Variants in NCOR1 observed in about 807,000 individuals in gnomAD.
NCOR1 encodes the protein nuclear receptor corepressor 1, also known as protein phosphatase 1, regulatory subunit 109.
NCOR1 carries 63 observed loss-of-function variants against 288.1 expected under a neutral mutation model. That is an observed-to-expected ratio of 0.22 (90% CI 0.18 to 0.27). NCOR1 has a LOEUF of 0.27. Ranked by LOEUF, NCOR1 falls within the 10% of genes least tolerant of loss-of-function variation. The probability of loss-of-function intolerance (pLI) is 1.00; values close to 1 mark genes in which losing one functional copy is unlikely to be tolerated. For synonymous variants in NCOR1, 1,007 were observed against 1,065.9 expected, an observed-to-expected ratio of 0.94 and a Z score of 1.08; for missense variants, 2,397 against 3,019.2, an observed-to-expected ratio of 0.79 and a Z score of 4.83.
chr17:16,144,082 T>C (rs2077515466), intron 10 of NCOR1, among the ~76,000 whole-genome samples: 2 of 152,218 alleles, frequency 1.3e-5, no homozygotes. Context: ...TACAAAAATT[T>C]AATTGTGAGT....
At chr17:16,147,246 TA>T (rs1282530238) in intron 9 of NCOR1, among the ~76,000 whole-genome samples, 1 of 151,994 alleles carries the variant, frequency 6.6e-6, no homozygotes, top group Admixed American at 6.6e-5. Context: ...CCGTCTCTAT[TA>T]AAAATACAAA....
chr17:16,063,176 T>A (rs933753411), intron 35 of NCOR1, among the ~76,000 whole-genome samples: 1 of 152,122 alleles, frequency 6.6e-6, no homozygotes. Context: ...TTTATTTTTT[T>A]AATTAAATTA....
chr17:16,058,735 G>C, intron 37 of NCOR1, 136 bp from the exon 38 acceptor site: 1 of 881,762 alleles, frequency 1.1e-6, no homozygotes, highest in Non-Finnish European at 1.7e-6. Flanking sequence ...AGGGTTTTCT[G>C]AAGTTTTATG....
chr17:16,147,876 T>C (rs1358374957), intron 9 of NCOR1, among the ~76,000 whole-genome samples: 1 of 152,206 alleles, frequency 6.6e-6, no homozygotes. Flanking sequence ...TGGAGTGCAG[T>C]GGCGCGATCT....
intron 45 of NCOR1, among the ~76,000 whole-genome samples, chr17:16,034,419 T>C (rs1973574921): frequency 6.6e-6 from 1 of 151,794 alleles, no homozygotes; most frequent in South Asian, 2.1e-4. Flanking sequence ...TGAGACCTTG[T>C]CCCTACAAAA....
chr17:16,032,427 G>C lies in NCOR1; in HGVS notation c.7192C>G (p.Pro2398Ala). ...GAGGGAGCACATGCAATCGGTGTTG[G>C]TGGAGTACTGCTGAGCATCCGCATA... is the stretch of plus-strand genomic sequence containing the variant. The part of the protein sequence containing the change: ...LTMRMLSSTP[P>A]TPIACAPSAV... The change falls in exon 46 of 46, where the codon CCA (proline) becomes GCA (alanine). Residue 2398 changes from proline to alanine, a missense_variant. Around this residue, in one of 11 missense-constraint regions of NCOR1, gnomAD observed 1,872 missense variants for 2,187.8 expected, o/e 0.86. Coordinates refer to ENST00000268712, the MANE Select transcript of NCOR1 (RefSeq NM_006311.4). 6.2e-7 allele frequency: 1 copy of C among 1,613,972 alleles called. No homozygotes were observed. The highest frequency in any genetic ancestry group is 8.5e-7 in the Non-Finnish European group (1 of 1,179,950).
intron 44 of NCOR1, 74 bp from the exon 45 acceptor site, chr17:16,035,018 ATTGCT>A: frequency 2.8e-6 from 4 of 1,408,814 alleles, no homozygotes; most frequent in Admixed American, 2.0e-5. Context: ...ATGATTATAT[ATTGCT>A]AAATGAAAAA....
chr17:16,039,314 A>G, intron 44 of NCOR1, 119 bp downstream of exon 44: 1 of 935,354 alleles, frequency 1.1e-6, no homozygotes, highest in Non-Finnish European at 1.6e-6. Flanking sequence ...AAACCCTAAG[A>G]GGTGACTCTG....
Position 16,068,015 on chromosome 17 carries a change from A to T in NCOR1, c.4620T>A (p.Pro1540=). 1 of 1,614,238 alleles carries T rather than the reference A, an allele frequency of 6.2e-7. No homozygotes were observed. Among genetic ancestry groups the T allele is most frequent in the African/African-American group, 1.3e-5 (1 of 75,058 alleles). The change falls in exon 32 of 46, where the codon CCT becomes CCA. Residue 1540 remains proline, a synonymous_variant. Coordinates refer to ENST00000268712, the MANE Select transcript of NCOR1 (RefSeq NM_006311.4). ...GATCAAACGGACTGTGGCTCACGAC[A>T]GGGTCCACCCCAGGCACTGGAGACT... The part of the protein sequence containing the change: ...PAKSPVPGVD[P]VVSHSPFDPH...
intron 23 of NCOR1, among the ~76,000 whole-genome samples, chr17:16,085,619 A>G (rs1486784051): frequency 6.6e-6 from 1 of 152,256 alleles, no homozygotes; most frequent in African/African-American, 2.4e-5. Context: ...AGAGTACACC[A>G]TGTTTGATTC....
rs1428100612 is a variant in NCOR1, at chr17:16,088,645, G to T, written c.3017-2203C>A. Reference sequence around the variant, plus strand: ...AGAAACAATTACAAAAATATCAACTGATATTCAAGTGCTAGGCAGTGTGCA... The same window carrying T: ...AGAAACAATTACAAAAATATCAACTTATATTCAAGTGCTAGGCAGTGTGCA... On this transcript the variant is annotated intron_variant, in intron 22 of 45. Transcript: ENST00000268712. Among the ~76,000 whole-genome samples, 8 of 152,198 alleles carry T rather than the reference G, an allele frequency of 5.3e-5. No homozygotes were observed. The South Asian group carries it at 1.4e-3, about 28-fold the overall frequency.
intron 40 of NCOR1, among the ~76,000 whole-genome samples, chr17:16,054,435 T>A (rs991001729): frequency 6.6e-6 from 1 of 152,190 alleles, no homozygotes; most frequent in African/African-American, 2.4e-5. Context: ...CTTGGGAAGC[T>A]GATGTGGGAC....
intron 18 of NCOR1, among the ~76,000 whole-genome samples, chr17:16,112,615 C>A (rs1466689969): frequency 1.3e-5 from 2 of 152,082 alleles, no homozygotes; most frequent in African/African-American, 4.8e-5. Flanking sequence ...ACTGGCCTCC[C>A]GAGTAGCTGG....
At chr17:16,126,339 G>C (rs1310126936) in intron 14 of NCOR1, 133 bp from the exon 15 acceptor site, 2 of 898,688 alleles carry the variant, frequency 2.2e-6, no homozygotes, top group Non-Finnish European at 3.2e-6. Context: ...GTGATCGTGT[G>C]TTAAAAACCA....
intron 17 of NCOR1, among the ~76,000 whole-genome samples, chr17:16,118,834 G>C (rs1298789993): frequency 6.6e-6 from 1 of 152,076 alleles, no homozygotes; most frequent in African/African-American, 2.4e-5. Flanking sequence ...ACATTAACAA[G>C]CAACGACAGA....
intron 8 of NCOR1, among the ~76,000 whole-genome samples, chr17:16,151,045 A>AAT (rs928034412): frequency 1.0e-3 from 154 of 151,056 alleles, no homozygotes; most frequent in Middle Eastern, 3.4e-3. Flanking sequence ...GAAAAAAATA[A>AAT]ATATATATAT....
intron 13 of NCOR1, 191 bp downstream of exon 13, chr17:16,137,967 C>T: frequency 4.1e-6 from 2 of 487,086 alleles, no homozygotes; most frequent in Middle Eastern, 5.3e-4. Context: ...CTTTCATTAA[C>T]CATTTAGTTC....
At chr17:16,079,646 C>A (rs2063091586) in intron 26 of NCOR1, among the ~76,000 whole-genome samples, 1 of 152,166 alleles carries the variant, frequency 6.6e-6, no homozygotes, top group Admixed American at 6.5e-5. Flanking sequence ...ATTTTCTTCT[C>A]AATTTCTATT....
At chr17:16,189,740 C>A (rs1433282688) in intron 2 of NCOR1, among the ~76,000 whole-genome samples, 1 of 151,840 alleles carries the variant, frequency 6.6e-6, no homozygotes, top group East Asian at 1.9e-4. Flanking sequence ...CCATACTGGA[C>A]ACATGAAAAT....
Sources: gnomAD v4.1 joint callset for allele counts (sites outside exome capture counted in the v4.1 genomes callset) on GRCh38, gnomAD v4.1.1 for gene constraint, gnomAD v4.1.1 regional missense constraint, MANE v1.5 for transcripts, NCBI Gene and HGNC (gene_info 2026-07-23, HGNC 2026-07-21) for gene names.